Variants in AHCY observed in about 807,000 individuals in gnomAD.
AHCY encodes the protein adenosylhomocysteinase, also known as S-adenosyl-L-homocysteine hydrolase.
Under a neutral mutation model 45.4 loss-of-function variants are expected in AHCY, and 24 were observed. The observed-to-expected ratio is 0.53, with a 90% CI of 0.38 to 0.74. The LOEUF (loss-of-function observed/expected upper bound fraction) is 0.74. Among genes scored for constraint, AHCY ranks in the 30% least tolerant of loss-of-function variants. AHCY has a pLI of 0.00. For missense variants in AHCY, 449 were observed against 594.1 expected (o/e 0.76, Z 2.54); for synonymous variants, 245 against 235.1 (o/e 1.04, Z -0.39).
At chr20:34,279,100 A>C (rs1387157265), downstream of AHCY, among the ~76,000 whole-genome samples, 1 of 75,754 alleles carries the variant, frequency 1.3e-5, no homozygotes, top group Admixed American at 2.0e-4. Flanking sequence ...CGAGAGTGAG[A>C]CTCCGTCTCA....
At position 34,281,163 on chromosome 20, in the gene AHCY, C is replaced by T. The variant is rs886056636; in HGVS notation, c.1170G>A (p.Leu390=). 6.2e-7 allele frequency: 1 copy of T among 1,613,122 alleles called. No homozygotes were observed. The change falls in exon 10 of 10, where the codon CTG becomes CTA. Residue 390 remains leucine, a splice_region_variant and synonymous_variant. Transcript: ENST00000217426. ...GGTGGGCTTCAGCCACTGCCTCATC[C>T]AGCTGGGGAGAAACAAAGGAAGACC... ...PVGVHFLPKK[L]DEAVAEAHLG... is the part of the protein sequence containing the mutation.
the AHCY span, among the ~76,000 whole-genome samples, chr20:34,244,952 T>A: frequency 6.6e-6 from 1 of 152,174 alleles, no homozygotes; most frequent in East Asian, 1.9e-4. Flanking sequence ...AAATTATTTT[T>A]AAAAATCACT....
chr20:34,236,036 AAG>A, the AHCY span, among the ~76,000 whole-genome samples: 1 of 142,440 alleles, frequency 7.0e-6, no homozygotes, highest in South Asian at 2.3e-4. Flanking sequence ...AAGAAAGAGA[AAG>A]AAACAGAAAA....
upstream of AHCY, among the ~76,000 whole-genome samples, chr20:34,304,282 A>G (rs552158118): frequency 4.0e-4 from 61 of 152,316 alleles, no homozygotes; most frequent in South Asian, 9.1e-3. Flanking sequence ...TAATTCAGTC[A>G]TCCCAGGCAT....
rs776913917 is a variant in AHCY, at chr20:34,303,308, T to A, written c.-38A>T. 6.4e-7 allele frequency: 1 copy of A among 1,551,702 alleles called. No individual in the cohort carries two copies. The highest frequency in any genetic ancestry group is 1.2e-5 in the South Asian group (1 of 84,064). On this transcript the variant is annotated 5_prime_UTR_variant, in exon 1 of 10. Coordinates refer to ENST00000217426, the MANE Select transcript of AHCY (RefSeq NM_000687.4). ...CGTGATGGAAACGGGCGAAGGGGGC[T>A]GGGCCTCAGTCTGGGAACAGGAACT...
chr20:34,265,623 A>G, the AHCY span, among the ~76,000 whole-genome samples: 11,980 of 152,114 alleles, frequency 0.079, 1,573 homozygotes, highest in African/African-American at 0.27. Flanking sequence ...GAAAACTAGT[A>G]TCACTTACCA....
intron 9 of AHCY, among the ~76,000 whole-genome samples, chr20:34,284,911 T>C (rs1403540291): frequency 6.6e-6 from 1 of 152,206 alleles, no homozygotes; most frequent in African/African-American, 2.4e-5. Context: ...CTGGCTCTCC[T>C]GAAAGGTTAG....
intron 3 of AHCY, chr20:34,293,390 CTT>C (rs2036466421): frequency 6.3e-6 from 1 of 158,204 alleles, no homozygotes; most frequent in Non-Finnish European, 1.4e-5. Context: ...AGACAATAGT[CTT>C]AAGAATTGCA....
chr20:34,295,247 C>A, intron 2 of AHCY, 148 bp downstream of exon 2: 1 of 973,552 alleles, frequency 1.0e-6, no homozygotes, highest in South Asian at 1.4e-5. Flanking sequence ...CACTGGGAAA[C>A]GGAGGAAACC....
rs1174698660 is a variant in AHCY, at chr20:34,295,382, C to T, written c.219+13G>A. On this transcript the variant is annotated intron_variant, in intron 2 of 9. Transcript: ENST00000217426. Reference sequence around the variant, plus strand: ...GGGCAAGGACTCTGGGGTGATACAGCTGTGGGCCTCACCTCAGCACCCAGG... The same window carrying T: ...GGGCAAGGACTCTGGGGTGATACAGTTGTGGGCCTCACCTCAGCACCCAGG... 6.2e-7 allele frequency: 1 copy of T among 1,613,910 alleles called. No homozygotes were observed. The highest frequency in any genetic ancestry group is 1.1e-5 in the South Asian group (1 of 90,988).
chr20:34,299,045 G>A (rs948547078), intron 1 of AHCY, among the ~76,000 whole-genome samples: 12 of 151,910 alleles, frequency 7.9e-5, no homozygotes, highest in African/African-American at 2.7e-4. Flanking sequence ...CCCAACATTC[G>A]GGGCCACTAC....
At chr20:34,304,453 T>G (rs994057187), upstream of AHCY, among the ~76,000 whole-genome samples, 1 of 152,244 alleles carries the variant, frequency 6.6e-6, no homozygotes, top group African/African-American at 2.4e-5. Flanking sequence ...ATGTAAATGC[T>G]ATGCAAATGG....
the AHCY span, among the ~76,000 whole-genome samples, chr20:34,262,176 G>A: frequency 1.4e-3 from 216 of 152,192 alleles, no homozygotes; most frequent in African/African-American, 4.9e-3. Context: ...GACAGGGAAG[G>A]GAGGAACATC....
At chr20:34,270,050 C>T in the AHCY span, among the ~76,000 whole-genome samples, 1 of 146,480 alleles carries the variant, frequency 6.8e-6, no homozygotes, top group Non-Finnish European at 1.5e-5. Context: ...GCCTGGGCTA[C>T]ATAGTGAGAG....
At chr20:34,299,723 C>T (rs1477892391) in intron 1 of AHCY, among the ~76,000 whole-genome samples, 1 of 152,312 alleles carries the variant, frequency 6.6e-6, no homozygotes, top group East Asian at 1.9e-4. Flanking sequence ...CGGTTACTCT[C>T]CCAATCTTCC....
At chr20:34,243,190 G>A in the AHCY span, among the ~76,000 whole-genome samples, 29 of 152,336 alleles carry the variant, frequency 1.9e-4, no homozygotes, top group African/African-American at 6.5e-4. Context: ...TGTCCCTTGA[G>A]AAGGGACACA....
chr20:34,286,761 G>C (rs2036200398), intron 8 of AHCY, among the ~76,000 whole-genome samples: 1 of 150,100 alleles, frequency 6.7e-6, no homozygotes, highest in Non-Finnish European at 1.5e-5. Flanking sequence ...TTGAACCTGG[G>C]AAGCGGAGGT....
At position 34,292,554 on chromosome 20, in the gene AHCY, C is replaced by A. The variant is rs934730322; in HGVS notation, c.296-47G>T. ...AGGGCCTGGACTTCCCAACTGGTAC[C>A]TGCTCCAGGGAACAACTCTGGCAGA... On this transcript the variant is annotated intron_variant, in intron 3 of 9. Coordinates refer to ENST00000217426, the MANE Select transcript of AHCY (RefSeq NM_000687.4). 6.8e-6 allele frequency: 11 copies of A among 1,612,874 alleles called. No individual in the cohort carries two copies. The Admixed American group carries it at 1.7e-4, about 24-fold the overall frequency.
the AHCY span, among the ~76,000 whole-genome samples, chr20:34,263,838 T>G: frequency 6.6e-6 from 1 of 151,724 alleles, no homozygotes; most frequent in Non-Finnish European, 1.5e-5. Flanking sequence ...CCAGCTAATG[T>G]TTTTGTATTT....
Sources: gnomAD v4.1 joint callset for allele counts (sites outside exome capture counted in the v4.1 genomes callset) on GRCh38, gnomAD v4.1.1 for gene constraint, MANE v1.5 for transcripts, NCBI Gene and HGNC (gene_info 2026-07-23, HGNC 2026-07-21) for gene names.